MRTFA: variants seen among roughly 807,000 people sequenced by gnomAD.
MRTFA encodes myocardin related transcription factor A, also known as myocardin-related transcription factor A.
Under a neutral mutation model 83.5 loss-of-function variants are expected in MRTFA, and 20 were observed. That is an observed-to-expected ratio of 0.24 (90% CI 0.17 to 0.35). MRTFA has a LOEUF of 0.35. MRTFA is among the 10% of genes least tolerant of loss of function. MRTFA has a pLI of 1.00. For synonymous variants in MRTFA, 659 were observed against 541.2 expected, an observed-to-expected ratio of 1.22 and a Z score of -3.02; for missense variants, 1,200 against 1,224.7, an observed-to-expected ratio of 0.98 and a Z score of 0.30.
At chr22:40,445,647 C>G (rs1010134483) in intron 4 of MRTFA, among the ~76,000 whole-genome samples, 1 of 152,200 alleles carries the variant, frequency 6.6e-6, no homozygotes, top group African/African-American at 2.4e-5. Flanking sequence ...CTCCTGGGAT[C>G]AAGCCATTCT....
At chr22:40,565,652 C>G (rs2055692523) in intron 2 of MRTFA, among the ~76,000 whole-genome samples, 1 of 152,170 alleles carries the variant, frequency 6.6e-6, no homozygotes, top group African/African-American at 2.4e-5. Context: ...GGGAGTACAA[C>G]AGACAGAAAA....
intron 3 of MRTFA, among the ~76,000 whole-genome samples, chr22:40,486,082 G>C (rs1002989758): frequency 6.6e-6 from 1 of 152,160 alleles, no homozygotes; most frequent in African/African-American, 2.4e-5. Context: ...GCTTTATTCA[G>C]ATCACCCCAA....
intron 3 of MRTFA, among the ~76,000 whole-genome samples, chr22:40,499,754 G>A (rs889991846): frequency 2.0e-5 from 3 of 151,986 alleles, no homozygotes; most frequent in African/African-American, 7.3e-5. Flanking sequence ...AACACAAAAA[G>A]AAAATGTCTT....
intron 4 of MRTFA, among the ~76,000 whole-genome samples, chr22:40,458,664 T>C (rs1347703024): frequency 6.6e-6 from 1 of 152,104 alleles, no homozygotes; most frequent in Non-Finnish European, 1.5e-5. Context: ...ATAAAAGATA[T>C]CAACCAGAAA....
chr22:40,426,920 G>A lies in MRTFA; in HGVS notation c.602-2539C>T, dbSNP rs1004001414. On this transcript the variant is annotated intron_variant, in intron 7 of 14. Transcript: ENST00000355630. ...ATCGTGTGTGATCCTGCAAGCAGTC[G>A]CACAAGGCAGGTGACTCAGAGACAA... Among the ~76,000 whole-genome samples, 214 of 152,284 alleles carry A rather than the reference G, an allele frequency of 1.4e-3. 2 individuals are homozygous for A. The highest frequency in any genetic ancestry group is 4.9e-3 in the African/African-American group (202 of 41,540).
intron 4 of MRTFA, among the ~76,000 whole-genome samples, chr22:40,440,507 T>G (rs1839883362): frequency 1.3e-5 from 2 of 152,358 alleles, no homozygotes; most frequent in African/African-American, 4.8e-5. Flanking sequence ...GATTCAGCAA[T>G]TTCAACAGCT....
At position 40,411,703 on chromosome 22, in the gene MRTFA, G is replaced by A. The variant is rs762399447; in HGVS notation, c.2783C>T (p.Thr928Ile). The change falls in exon 15 of 15, where the codon ACC becomes ATC. Residue 928 changes from threonine to isoleucine, a missense_variant. By Grantham distance (89) the Thr-to-Ile change is moderately conservative. Around this residue, in one of 2 missense-constraint regions of MRTFA, gnomAD observed 1,107 missense variants for 1,041.8 expected, o/e 1.06. Coordinates refer to ENST00000355630, the MANE Select transcript of MRTFA (RefSeq NM_020831.6). ...GGGCTCTGGCCCGTCATGCCCACTG[G>A]TCAGCAGGGGCAGCCCCGTGCTGCT... is the stretch of plus-strand genomic sequence containing the variant. The A allele has an allele frequency of 2.2e-5, 35 of 1,587,752 alleles. No homozygotes were observed. The Admixed American group carries it at 5.9e-4, about 27-fold the overall frequency.
intron 4 of MRTFA, among the ~76,000 whole-genome samples, chr22:40,451,503 G>A (rs1033757340): frequency 1.3e-5 from 2 of 152,200 alleles, no homozygotes; most frequent in African/African-American, 4.8e-5. Context: ...CAACTCCCAA[G>A]AATGAATGTA....
chr22:40,593,985 G>C (rs1865632079), intron 2 of MRTFA, among the ~76,000 whole-genome samples: 1 of 152,236 alleles, frequency 6.6e-6, no homozygotes, highest in South Asian at 2.1e-4. Context: ...TATTCTGACA[G>C]AAATAGTTTT....
At chr22:40,424,184 G>A (rs199677675) in intron 8 of MRTFA, 22 bp downstream of exon 8, 85 of 1,574,226 alleles carry the variant, frequency 5.4e-5, no homozygotes, top group Non-Finnish European at 7.0e-5. Flanking sequence ...AGCTGGGGAA[G>A]CATCTGGAAG....
intron 2 of MRTFA, among the ~76,000 whole-genome samples, chr22:40,571,026 CAAAAAAAAAAAAAA>C (rs71199292): frequency 1.4e-3 from 64 of 46,736 alleles, no homozygotes; most frequent in African/African-American, 3.8e-3. Context: ...CCTGTCTCTA[CAAAAAAAAAAAAAA>C]AAAAAAAAAA....
chr22:40,459,822 C>CATATAT (rs1284924516), intron 4 of MRTFA, among the ~76,000 whole-genome samples: 57 of 68,194 alleles, frequency 8.4e-4, no homozygotes, highest in South Asian at 2.7e-3. Flanking sequence ...CACACACACA[C>CATATAT]ATATATACAT....
intron 3 of MRTFA, among the ~76,000 whole-genome samples, chr22:40,496,423 T>C (rs1345164063): frequency 6.8e-6 from 1 of 147,078 alleles, no homozygotes; most frequent in African/African-American, 2.5e-5. Flanking sequence ...AACAATCTAT[T>C]TTCTCTTTCT....
intron 3 of MRTFA, among the ~76,000 whole-genome samples, chr22:40,484,535 T>TA (rs1569291024): frequency 6.6e-6 from 1 of 152,214 alleles, no homozygotes. Context: ...GAGTTCATGT[T>TA]ATAAGTACCG....
intron 3 of MRTFA, among the ~76,000 whole-genome samples, chr22:40,527,200 G>A (rs1473100282): frequency 6.6e-6 from 1 of 151,832 alleles, no homozygotes; most frequent in Non-Finnish European, 1.5e-5. Flanking sequence ...TTTCACTACT[G>A]AGTTTGTTTG....
At chr22:40,499,850 C>T (rs543062741) in intron 3 of MRTFA, among the ~76,000 whole-genome samples, 2 of 148,536 alleles carry the variant, frequency 1.3e-5, no homozygotes, top group African/African-American at 2.5e-5. Flanking sequence ...CCAGGTGTGA[C>T]ACTTCAGCCC....
chr22:40,420,639 C>A, intron 10 of MRTFA, 63 bp from the exon 11 acceptor site: 1 of 1,583,988 alleles, frequency 6.3e-7, no homozygotes, highest in East Asian at 2.2e-5. Context: ...CAGGTGGCAG[C>A]CCAAGCCTGG....
At chr22:40,569,075 T>A (rs975877287) in intron 2 of MRTFA, among the ~76,000 whole-genome samples, 1 of 152,174 alleles carries the variant, frequency 6.6e-6, no homozygotes, top group Admixed American at 6.5e-5. Flanking sequence ...TGAGCCTTTT[T>A]ATATACCAGA....
intron 3 of MRTFA, among the ~76,000 whole-genome samples, chr22:40,502,434 C>T (rs891921663): frequency 4.0e-5 from 5 of 125,518 alleles, no homozygotes; most frequent in Non-Finnish European, 8.4e-5. Context: ...GGCGGCGGGG[C>T]AGAGGCGCTC....
Sources: gnomAD v4.1 joint callset for allele counts (sites outside exome capture counted in the v4.1 genomes callset) on GRCh38, gnomAD v4.1.1 for gene constraint, gnomAD v4.1.1 regional missense constraint, MANE v1.5 for transcripts, NCBI Gene and HGNC (gene_info 2026-07-23, HGNC 2026-07-21) for gene names.